Variants in DTWD2 observed in about 807,000 individuals in gnomAD.
DTWD2 encodes the protein DTW motif tRNA-uridine aminocarboxypropyltransferase 2.
Under a neutral mutation model 31.8 loss-of-function variants are expected in DTWD2, and 39 were observed. The observed-to-expected ratio is 1.22, with a 90% CI of 0.95 to 1.60. The LOEUF is 1.60. Ranked by LOEUF, DTWD2 falls within the 40% of genes most tolerant of loss-of-function variation. The probability of loss-of-function intolerance (pLI) is 0.00; values close to 1 mark genes in which losing one functional copy is unlikely to be tolerated. For synonymous variants in DTWD2, 180 were observed against 142.8 expected (o/e 1.26, Z -1.86); for missense variants, 515 against 381.5 (o/e 1.35, Z -2.92).
chr5:118,869,736 T>C (rs545862569), intron 4 of DTWD2, among the ~76,000 whole-genome samples: 9 of 152,218 alleles, frequency 5.9e-5, no homozygotes, highest in Non-Finnish European at 1.2e-4. Context: ...TGGTAACTTA[T>C]AGTTTCTATA....
chr5:118,986,362 T>C (rs746151271), intron 1 of DTWD2, among the ~76,000 whole-genome samples: 1 of 152,216 alleles, frequency 6.6e-6, no homozygotes, highest in Admixed American at 6.5e-5. Context: ...TTTTAAAGAA[T>C]ATTCCATTCA....
At chr5:118,943,529 C>G (rs552892381) in intron 2 of DTWD2, among the ~76,000 whole-genome samples, 55 of 125,976 alleles carry the variant, frequency 4.4e-4, no homozygotes, top group African/African-American at 1.7e-3. Context: ...CCTGCTTGGG[C>G]AACAGAGCAA....
intron 1 of DTWD2, among the ~76,000 whole-genome samples, chr5:118,979,139 C>T (rs1755231548): frequency 2.0e-5 from 3 of 151,316 alleles, no homozygotes; most frequent in African/African-American, 7.3e-5. Flanking sequence ...CCCATCTCTG[C>T]TAAAAATACA....
At chr5:118,975,561 T>A (rs1478008777) in intron 1 of DTWD2, among the ~76,000 whole-genome samples, 1 of 152,192 alleles carries the variant, frequency 6.6e-6, no homozygotes, top group Non-Finnish European at 1.5e-5. Flanking sequence ...TCCAGTTTAG[T>A]TCCCTTGGTG....
At chr5:118,876,548 G>T (rs994278689) in intron 4 of DTWD2, among the ~76,000 whole-genome samples, 1 of 151,978 alleles carries the variant, frequency 6.6e-6, no homozygotes, top group Middle Eastern at 3.2e-3. Flanking sequence ...CGACAAGAGG[G>T]GTATTACCAC....
At chr5:118,900,924 CAA>C (rs538787473) in intron 4 of DTWD2, among the ~76,000 whole-genome samples, 13 of 72,994 alleles carry the variant, frequency 1.8e-4, no homozygotes, top group Admixed American at 1.6e-4. Context: ...GACTGCGTCT[CAA>C]AAAAAAAAAA....
chr5:118,843,225 G>A (rs969932129), intron 5 of DTWD2, among the ~76,000 whole-genome samples: 1 of 151,764 alleles, frequency 6.6e-6, no homozygotes, highest in African/African-American at 2.4e-5. Flanking sequence ...AAAGTGCTGG[G>A]ATTACAGGTG....
chr5:118,897,727 C>G (rs1255360668), intron 4 of DTWD2, among the ~76,000 whole-genome samples: 1 of 152,140 alleles, frequency 6.6e-6, no homozygotes, highest in African/African-American at 2.4e-5. Flanking sequence ...CATAAAATGG[C>G]TTATCTCCTC....
chr5:118,925,104 G>C (rs1753781216), intron 4 of DTWD2, among the ~76,000 whole-genome samples: 1 of 152,162 alleles, frequency 6.6e-6, no homozygotes, highest in African/African-American at 2.4e-5. Flanking sequence ...AACCTCAGAA[G>C]TCAGGGTTCC....
intron 4 of DTWD2, among the ~76,000 whole-genome samples, chr5:118,856,136 A>G (rs1166150480): frequency 1.3e-5 from 2 of 152,154 alleles, no homozygotes; most frequent in Non-Finnish European, 2.9e-5. Context: ...AAGTTCTCCT[A>G]ATAAACCCCA....
At chr5:118,919,343 G>C (rs1753650592) in intron 4 of DTWD2, among the ~76,000 whole-genome samples, 1 of 152,212 alleles carries the variant, frequency 6.6e-6, no homozygotes, top group Non-Finnish European at 1.5e-5. Context: ...GTGGAGAGAA[G>C]AAAACGGTCT....
intron 1 of DTWD2, among the ~76,000 whole-genome samples, chr5:118,949,821 G>C (rs1052343914): frequency 2.6e-5 from 4 of 152,142 alleles, no homozygotes; most frequent in African/African-American, 9.7e-5. Flanking sequence ...CTGTAGCCTA[G>C]GAATAGTCAG....
At chr5:118,872,486 C>T (rs1752527613) in intron 4 of DTWD2, among the ~76,000 whole-genome samples, 1 of 152,038 alleles carries the variant, frequency 6.6e-6, no homozygotes. Context: ...TATTAATTGG[C>T]CTAATTTCAA....
At chr5:118,919,021 G>C (rs769586294) in intron 4 of DTWD2, among the ~76,000 whole-genome samples, 1 of 152,088 alleles carries the variant, frequency 6.6e-6, no homozygotes, top group African/African-American at 2.4e-5. Context: ...GAAAAGTAGA[G>C]GTCATTTGTC....
At chr5:118,965,693 A>G (rs1754829156) in intron 1 of DTWD2, among the ~76,000 whole-genome samples, 1 of 152,178 alleles carries the variant, frequency 6.6e-6, no homozygotes, top group African/African-American at 2.4e-5. Context: ...TAAATGGATT[A>G]AGGGCGGTGC....
intron 4 of DTWD2, among the ~76,000 whole-genome samples, chr5:118,880,930 A>G (rs955304336): frequency 6.6e-6 from 1 of 152,172 alleles, no homozygotes; most frequent in African/African-American, 2.4e-5. Context: ...AAACCACTTC[A>G]ATCACCTTAA....
chr5:118,968,824 A>C (rs960636243), intron 1 of DTWD2, among the ~76,000 whole-genome samples: 4 of 152,220 alleles, frequency 2.6e-5, no homozygotes, highest in African/African-American at 9.6e-5. Context: ...GCCAAGCAGC[A>C]TCGTTCTGCA....
At chr5:118,848,354 G>T in intron 4 of DTWD2, 136 bp from the exon 5 acceptor site, 1 of 703,904 alleles carries the variant, frequency 1.4e-6, no homozygotes, top group Non-Finnish European at 2.2e-6. Context: ...TATCTTTTAT[G>T]TATAACATCC....
chr5:118,934,300 A>AT lies in DTWD2; in HGVS notation c.404+4895_404+4896insA, dbSNP rs1368378659. On this transcript the variant is annotated intron_variant, in intron 3 of 5. Coordinates refer to ENST00000510708, the MANE Select transcript of DTWD2 (RefSeq NM_173666.4). ...AAAAAAAAAAAAAAAAAAAAAAAAAAAGCAAAGAATATCTAAATAACTGCT... is the reference window on the plus strand; with the variant it reads ...AAAAAAAAAAAAAAAAAAAAAAAAAATAGCAAAGAATATCTAAATAACTGCT... Among the ~76,000 whole-genome samples, 4 of 144,654 alleles carry AT rather than the reference A, an allele frequency of 2.8e-5. No homozygotes were observed. The East Asian group carries it at 7.9e-4, about 29-fold the overall frequency. 94.9% of individuals were successfully genotyped at this position (144,654 alleles called of 152,430 possible).
Sources: allele counts gnomAD v4.1 joint callset (sites outside exome capture counted in the v4.1 genomes callset), GRCh38; gene constraint gnomAD v4.1.1; transcripts MANE v1.5; gene names NCBI Gene and HGNC (gene_info 2026-07-23, HGNC 2026-07-21).